The following CTIF variants were observed in gnomAD, a reference collection of about 807,000 sequenced individuals.
CTIF encodes the protein cap binding complex dependent translation initiation factor.
Under a neutral mutation model 66.0 loss-of-function variants are expected in CTIF, and 21 were observed. The ratio of observed to expected loss-of-function variants is 0.32; its 90% CI spans 0.23 to 0.46. The LOEUF is 0.46. Among genes scored for constraint, CTIF ranks in the 20% least tolerant of loss-of-function variants. The pLI is 1.00. For synonymous variants in CTIF, 345 were observed against 326.4 expected (o/e 1.06, Z -0.62); for missense variants, 739 against 812.7 (o/e 0.91, Z 1.10).
At chr18:48,852,626 GA>G (rs2069233234) in intron 10 of CTIF, among the ~76,000 whole-genome samples, 3 of 152,246 alleles carry the variant, frequency 2.0e-5, no homozygotes, top group African/African-American at 2.4e-5. Context: ...CAGTGCGGGA[GA>G]GGGGTCACTG....
intron 9 of CTIF, among the ~76,000 whole-genome samples, chr18:48,788,218 G>GT (rs1243806042): frequency 6.6e-6 from 1 of 152,178 alleles, no homozygotes; most frequent in East Asian, 1.9e-4. Context: ...GAAAGAATCA[G>GT]TAACAGCAAT....
intron 6 of CTIF, among the ~76,000 whole-genome samples, chr18:48,708,783 T>C (rs1024856514): frequency 3.9e-5 from 6 of 152,222 alleles, no homozygotes; most frequent in African/African-American, 1.4e-4. Flanking sequence ...CACACCACCC[T>C]GGACCACCAG....
intron 1 of CTIF, among the ~76,000 whole-genome samples, chr18:48,550,599 C>G (rs2088859366): frequency 6.6e-6 from 1 of 152,166 alleles, no homozygotes; most frequent in Non-Finnish European, 1.5e-5. Context: ...CCACTCTGCT[C>G]AGGGTGTCAC....
chr18:48,684,712 A>G (rs1485208136), intron 6 of CTIF, among the ~76,000 whole-genome samples: 2 of 152,214 alleles, frequency 1.3e-5, no homozygotes, highest in Non-Finnish European at 2.9e-5. Flanking sequence ...AAGAATTCCT[A>G]TATAGCCTTC....
At chr18:48,829,044 G>T (rs2068638647) in intron 10 of CTIF, among the ~76,000 whole-genome samples, 1 of 152,252 alleles carries the variant, frequency 6.6e-6, no homozygotes, top group South Asian at 2.1e-4. Flanking sequence ...GCTGAAGGTG[G>T]GAGGGGACCG....
At chr18:48,826,287 A>C (rs1367808958) in intron 10 of CTIF, 1 of 152,210 alleles carries the variant, frequency 6.6e-6, no homozygotes, top group Non-Finnish European at 1.5e-5. Flanking sequence ...AGAGAAAAAA[A>C]ATCGCAACAC....
chr18:48,748,318 CAG>C (rs1477577938), intron 7 of CTIF, among the ~76,000 whole-genome samples: 1 of 151,672 alleles, frequency 6.6e-6, no homozygotes, highest in African/African-American at 2.4e-5. Context: ...GGGGGCCACT[CAG>C]TGTTTGTTAA....
In CTIF at chr18:48,862,542, A is replaced by G. The variant is rs1377237914; in HGVS notation, c.*2983A>G. 1 of 152,672 alleles carries G rather than the reference A, an allele frequency of 6.5e-6. No homozygotes were observed. Among genetic ancestry groups the G allele is most frequent in the Non-Finnish European group, 1.5e-5 (1 of 68,078 alleles). The allele number at this position is 152,672 out of a possible 1,614,324, so 9.5% of individuals were successfully genotyped here. On this transcript the variant is annotated 3_prime_UTR_variant, in exon 12 of 12. Transcript: ENST00000256413. ...CACCCTCCACGGGATGTGCACCCTCAGACCCCATTCTCTCTGTTCGTCCTT... is the reference window on the plus strand; with the variant it reads ...CACCCTCCACGGGATGTGCACCCTCGGACCCCATTCTCTCTGTTCGTCCTT...
intron 3 of CTIF, among the ~76,000 whole-genome samples, chr18:48,639,302 T>C (rs1245584521): frequency 1.3e-5 from 2 of 152,098 alleles, no homozygotes; most frequent in Non-Finnish European, 2.9e-5. Context: ...ACCAGGAGTG[T>C]TTGCAGGGAC....
intron 9 of CTIF, among the ~76,000 whole-genome samples, chr18:48,797,495 G>GT (rs980805777): frequency 1.4e-5 from 2 of 148,046 alleles, no homozygotes; most frequent in African/African-American, 5.0e-5. Context: ...AAAGAAAAGG[G>GT]GTGGGGGGGC....
chr18:48,718,070 T>A (rs2092298674), intron 7 of CTIF, among the ~76,000 whole-genome samples: 1 of 152,172 alleles, frequency 6.6e-6, no homozygotes, highest in Non-Finnish European at 1.5e-5. Flanking sequence ...TTTTCAGGGT[T>A]CCCTAAATGT....
intron 1 of CTIF, among the ~76,000 whole-genome samples, chr18:48,617,248 A>G (rs141786328): frequency 4.6e-5 from 7 of 152,340 alleles, no homozygotes; most frequent in African/African-American, 1.7e-4. Flanking sequence ...AGCCAGCAAC[A>G]GTGCATTGAG....
chr18:48,610,429 C>CTGGATGCCCACT (rs2090286540), intron 1 of CTIF, among the ~76,000 whole-genome samples: 1 of 144,534 alleles, frequency 6.9e-6, no homozygotes, highest in South Asian at 2.2e-4. Flanking sequence ...GGATGCCCAC[C>CTGGATGCCCACT]TGGATGCCCT....
intron 3 of CTIF, among the ~76,000 whole-genome samples, chr18:48,637,180 C>T (rs2090838696): frequency 6.6e-6 from 1 of 152,054 alleles, no homozygotes; most frequent in South Asian, 2.1e-4. Context: ...ACCTGTCCAT[C>T]CCCCCAGCCA....
At chr18:48,612,126 T>G (rs1260808889) in intron 1 of CTIF, among the ~76,000 whole-genome samples, 4 of 152,244 alleles carry the variant, frequency 2.6e-5, no homozygotes, top group African/African-American at 7.2e-5. Flanking sequence ...TTCCTCCTGC[T>G]TTTCTTTGGC....
At chr18:48,587,735 T>C (rs1314439470) in intron 1 of CTIF, among the ~76,000 whole-genome samples, 1 of 152,244 alleles carries the variant, frequency 6.6e-6, no homozygotes, top group East Asian at 1.9e-4. Context: ...GTATTTTTCT[T>C]TTTTCCCCCA....
At chr18:48,773,143 C>T (rs537820746) in intron 9 of CTIF, among the ~76,000 whole-genome samples, 1 of 152,316 alleles carries the variant, frequency 6.6e-6, no homozygotes, top group East Asian at 1.9e-4. Context: ...AATTAAAAAT[C>T]ATAGACCAGT....
chr18:48,633,872 T>C (rs191337440), intron 2 of CTIF, among the ~76,000 whole-genome samples: 10 of 152,288 alleles, frequency 6.6e-5, no homozygotes, highest in African/African-American at 2.2e-4. Flanking sequence ...TCCCAAACAC[T>C]TGTCACTCAC....
At chr18:48,663,482 T>A (rs530643330) in intron 3 of CTIF, among the ~76,000 whole-genome samples, 71 of 152,178 alleles carry the variant, frequency 4.7e-4, no homozygotes, top group Non-Finnish European at 5.1e-4. Context: ...TTGCTGGGTG[T>A]GGAGGCTTTG....
Sources: gnomAD v4.1 joint callset for allele counts (sites outside exome capture counted in the v4.1 genomes callset) on GRCh38, gnomAD v4.1.1 for gene constraint, MANE v1.5 for transcripts, NCBI Gene and HGNC (gene_info 2026-07-23, HGNC 2026-07-21) for gene names.